The following ZNF229 variants were observed in gnomAD, a reference collection of about 807,000 sequenced individuals.
ZNF229 encodes the protein zinc finger protein 229.
Under a neutral mutation model 11.8 loss-of-function variants are expected in ZNF229, and 10 were observed. The observed-to-expected ratio is 0.85, with a 90% CI of 0.52 to 1.44. ZNF229 has a LOEUF of 1.44. Among genes scored for constraint, ZNF229 ranks in the 40% most tolerant of loss-of-function variants. The pLI is 0.00. For missense variants in ZNF229, 1,045 were observed against 1,015.1 expected (o/e 1.03, Z -0.40); for synonymous variants, 368 against 374.8 (o/e 0.98, Z 0.21).
Position 44,428,895 on chromosome 19 carries a change from T to G in ZNF229, c.1886A>C (p.Lys629Thr), listed in dbSNP as rs777477237. Residue 629 changes from lysine to threonine, a missense_variant, in exon 6 of 6, where the codon AAA becomes ACA. Physicochemically the swap from Lys to Thr is moderately conservative, Grantham distance 78. Transcript: ENST00000614049. ...GAAGCCTTTGCCACACTCAGCACAT[T>G]TATAGGGTTTCTCTCCAGTGTGGAC... is the stretch of plus-strand genomic sequence containing the variant. ...QRVHTGEKPY[K>T]CAECGKGFSY... is the part of the protein sequence containing the mutation. 1 of 1,611,300 alleles carries G rather than the reference T, an allele frequency of 6.2e-7. No homozygotes were observed. Among genetic ancestry groups the G allele is most frequent in the Non-Finnish European group, 8.5e-7 (1 of 1,179,234 alleles).
Position 44,430,062 on chromosome 19 carries a change from C to T in ZNF229, c.719G>A (p.Cys240Tyr), listed in dbSNP as rs958850539. ...DHRFPEIDKP[C>Y]GCNKCRKDCI... Reference sequence around the variant, plus strand: ...GTCTTTTCTGCATTTATTGCAACCACACGGCTTGTCTATTTCAGGGAATCT... The same window carrying T: ...GTCTTTTCTGCATTTATTGCAACCATACGGCTTGTCTATTTCAGGGAATCT... Residue 240 changes from cysteine (C) to tyrosine (Y), a missense_variant, in exon 6 of 6, where the codon TGT becomes TAT. Coordinates refer to ENST00000614049, the MANE Select transcript of ZNF229 (RefSeq NM_014518.4). 3 of 1,614,168 alleles carry T rather than the reference C, an allele frequency of 1.9e-6. No individual in the cohort carries two copies. The African/African-American group carries it at 4.0e-5, about 22-fold the overall frequency.
In ZNF229 at chr19:44,429,524, C is replaced by T. The variant is rs1971666003; in HGVS notation, c.1257G>A (p.Val419=). The change falls in exon 6 of 6, where the codon GTG becomes GTA. Residue 419 remains valine (V), a synonymous_variant. Coordinates refer to ENST00000614049, the MANE Select transcript of ZNF229 (RefSeq NM_014518.4). ...ECGKGFSYSS[V]LQVHQRLHTG... ...TGTGCAGCCTCTGATGGACTTGAAG[C>T]ACTGAGCTGTAACTGAAGCCCTTCC... The T allele has an allele frequency of 6.2e-7, 1 of 1,611,552 alleles. No individual in the cohort carries two copies. The highest frequency in any genetic ancestry group is 8.5e-7 in the Non-Finnish European group (1 of 1,178,432).
chr19:44,429,104 G>C lies in ZNF229; in HGVS notation c.1677C>G (p.Leu559=). 1 of 1,611,956 alleles carries C rather than the reference G, an allele frequency of 6.2e-7. No individual in the cohort carries two copies. Among genetic ancestry groups the C allele is most frequent in the African/African-American group, 1.3e-5 (1 of 74,362 alleles). The change falls in exon 6 of 6, where the codon CTC becomes CTG. Residue 559 remains leucine (L), a synonymous_variant. Transcript: ENST00000614049. ...CGKSFGRSSD[L]HIHQRVHTGE... is the part of the protein sequence containing the mutation. ...CTGTGTGGACCCTCTGATGGATGTG[G>C]AGGTCGGAGCTCCGGCCAAAGCTCT...
rs1971649438 is a variant in ZNF229 at position 44,429,096 on chromosome 19, T to C, written c.1685A>G (p.His562Arg). 2 of 1,613,442 alleles carry C rather than the reference T, an allele frequency of 1.2e-6. No individual in the cohort carries two copies. Among genetic ancestry groups the C allele is most frequent in the Admixed American group, 1.7e-5 (1 of 59,956 alleles). The change falls in exon 6 of 6, where the codon CAT (histidine) becomes CGT (arginine). Residue 562 changes from histidine to arginine, a missense_variant. His to Arg is a conservative substitution (Grantham distance 29, BLOSUM62 0). Coordinates refer to ENST00000614049, the MANE Select transcript of ZNF229 (RefSeq NM_014518.4). Reference sequence around the variant, plus strand: ...TTTCTCTCCTGTGTGGACCCTCTGATGGATGTGGAGGTCGGAGCTCCGGCC... The same window carrying C: ...TTTCTCTCCTGTGTGGACCCTCTGACGGATGTGGAGGTCGGAGCTCCGGCC... ...SFGRSSDLHI[H>R]QRVHTGEKPY...
chr19:44,436,353 C>T lies in ZNF229; in HGVS notation c.94-3987G>A, dbSNP rs543075627. The stretch of plus-strand genomic sequence containing the variant: ...CTCCAGCCTGGGTGACAGAGAGAAC[C>T]GTGTCTCAAACAACAACAACTACAA... On this transcript the variant is annotated intron_variant, in intron 4 of 5. Coordinates refer to ENST00000614049, the MANE Select transcript of ZNF229 (RefSeq NM_014518.4). Among the ~76,000 whole-genome samples, 26 of 151,702 alleles carry T rather than the reference C, an allele frequency of 1.7e-4. No individual in the cohort carries two copies. In the East Asian group the frequency reaches 3.1e-3, roughly 18 times the overall value.
intron 4 of ZNF229, among the ~76,000 whole-genome samples, chr19:44,439,850 G>T (rs1344767985): frequency 6.6e-6 from 1 of 152,106 alleles, no homozygotes; most frequent in Non-Finnish European, 1.5e-5. Flanking sequence ...GACAGTTGGG[G>T]GAACCTAATT....
intron 2 of ZNF229, among the ~76,000 whole-genome samples, chr19:44,445,296 C>T (rs886365674): frequency 6.6e-6 from 1 of 152,126 alleles, no homozygotes; most frequent in Non-Finnish European, 1.5e-5. Flanking sequence ...AGTCTACTTC[C>T]TACACAGCAG....
chr19:44,441,939 T>C (rs573360885), intron 4 of ZNF229, among the ~76,000 whole-genome samples: 1 of 152,328 alleles, frequency 6.6e-6, no homozygotes, highest in Admixed American at 6.5e-5. Context: ...AGAATAATCA[T>C]AAATCTTATT....
At chr19:44,433,546 T>C (rs1185734795) in intron 4 of ZNF229, among the ~76,000 whole-genome samples, 2 of 151,928 alleles carry the variant, frequency 1.3e-5, no homozygotes, top group Admixed American at 1.3e-4. Flanking sequence ...ATGGTACCTC[T>C]ACCCCCGCCC....
At chr19:44,444,416 T>A (rs2047064489) in intron 2 of ZNF229, among the ~76,000 whole-genome samples, 1 of 152,254 alleles carries the variant, frequency 6.6e-6, no homozygotes, top group African/African-American at 2.4e-5. Flanking sequence ...AGCATCTTTC[T>A]CTCTCCCTCC....
In ZNF229 at chr19:44,432,245, G is replaced by T. The variant is rs1208332706; in HGVS notation, c.215C>A (p.Ser72Ter). The change falls in exon 5 of 6, where the codon TCA becomes TAA. Residue 72 changes from serine (S) to a stop codon, truncating the protein, a stop_gained. Transcript: ENST00000614049. LOFTEE classifies it low-confidence loss of function (END_TRUNC). ...ACCCAGAGGATTCCTCTCACCCACTGAGAGTAGGTTCCTGAAATTCTCCTG... is the reference window on the plus strand; with the variant it reads ...ACCCAGAGGATTCCTCTCACCCACTTAGAGTAGGTTCCTGAAATTCTCCTG... The part of the protein sequence containing the change: ...VMQENFRNLL[S>*]VGERNPLGDK... 3 of 1,613,606 alleles carry T rather than the reference G, an allele frequency of 1.9e-6. No homozygotes were observed. Among genetic ancestry groups the T allele is most frequent in the East Asian group, 4.5e-5 (2 of 44,882 alleles).
intron 5 of ZNF229, among the ~76,000 whole-genome samples, chr19:44,430,798 T>C (rs972552771): frequency 3.9e-5 from 6 of 152,130 alleles, no homozygotes; most frequent in African/African-American, 1.4e-4. Context: ...TCGGAACAGA[T>C]TTTTATAGAG....
At position 44,428,585 on chromosome 19, in the gene ZNF229, T is replaced by A. The variant is rs757286903; in HGVS notation, c.2196A>T (p.Arg732Ser). 9 of 1,612,692 alleles carry A rather than the reference T, an allele frequency of 5.6e-6. No homozygotes were observed. The highest frequency in any genetic ancestry group is 2.2e-5 in the South Asian group (2 of 91,004). ...RYGSGLLSHK[R>S]VHTGEKPYRC... ...TGTATGGCTTCTCGCCAGTGTGCAC[T>A]CTCTTATGACTAAGGAGACCTGAGC... is the stretch of plus-strand genomic sequence containing the variant. The change falls in exon 6 of 6, where the codon AGA becomes AGT. Residue 732 changes from arginine to serine, a missense_variant. Physicochemically the swap from Arg to Ser is moderately radical, Grantham distance 110. Transcript: ENST00000614049.
chr19:44,434,324 C>G (rs1971775484), intron 4 of ZNF229, among the ~76,000 whole-genome samples: 1 of 152,102 alleles, frequency 6.6e-6, no homozygotes, highest in African/African-American at 2.4e-5. Flanking sequence ...TCTTTGCTAC[C>G]ACAGCCCCTC....
chr19:44,428,826 C>A lies in ZNF229; in HGVS notation c.1955G>T (p.Gly652Val). ...GLLIHQRVHT[G>V]EKPYRCQECG... Reference sequence around the variant, plus strand: ...CTCTTGGCATCTGTAAGGTTTCTCGCCTGTGTGGACTCTCTGGTGAATGAG... The same window carrying A: ...CTCTTGGCATCTGTAAGGTTTCTCGACTGTGTGGACTCTCTGGTGAATGAG... Residue 652 changes from glycine (G) to valine (V), a missense_variant, in exon 6 of 6, where the codon GGC (glycine) becomes GTC (valine). Physicochemically the swap from Gly to Val is moderately radical, Grantham distance 109. Transcript: ENST00000614049. 6.2e-7 allele frequency: 1 copy of A among 1,613,432 alleles called. No individual in the cohort carries two copies. Among genetic ancestry groups the A allele is most frequent in the Non-Finnish European group, 8.5e-7 (1 of 1,179,590 alleles).
rs1475317293 is a variant in ZNF229, at chr19:44,429,318, G to C, written c.1463C>G (p.Pro488Arg). 6.2e-7 allele frequency: 1 copy of C among 1,613,972 alleles called. No individual in the cohort carries two copies. The highest frequency in any genetic ancestry group is 1.3e-5 in the African/African-American group (1 of 74,864). The change falls in exon 6 of 6, where the codon CCC becomes CGC. Residue 488 changes from proline (P) to arginine (R), a missense_variant. Physicochemically the swap from Pro to Arg is moderately radical, Grantham distance 103 (BLOSUM62 -2). Coordinates refer to ENST00000614049, the MANE Select transcript of ZNF229 (RefSeq NM_014518.4). ...TTTGCCACACTTGTCACACTGGTAG[G>C]GCCTCTCGCCGGTGTGTGTCTTCTG... ...SHQKTHTGER[P>R]YQCDKCGKGF... is the part of the protein sequence containing the mutation.
Position 44,428,243 on chromosome 19 carries a change from T to C in ZNF229, c.*60A>G, listed in dbSNP as rs1971614766. On this transcript the variant is annotated 3_prime_UTR_variant, in exon 6 of 6. Transcript: ENST00000614049. The stretch of plus-strand genomic sequence containing the variant: ...TGTCACTTTCCTATGGTTTTTCTCC[T>C]GTGTTGGCTCTCAGATGGATAGAAA... The C allele has an allele frequency of 6.6e-7, 1 of 1,516,290 alleles. No homozygotes were observed. Among genetic ancestry groups the C allele is most frequent in the Admixed American group, 2.1e-5 (1 of 46,698 alleles). 93.9% of individuals were successfully genotyped at this position (1,516,290 alleles called of 1,614,324 possible). A position where few individuals can be genotyped will look rare whatever the true frequency, so the allele number is the denominator to read the frequency against.
intron 5 of ZNF229, among the ~76,000 whole-genome samples, chr19:44,431,339 A>G (rs1971719178): frequency 6.6e-6 from 1 of 152,120 alleles, no homozygotes; most frequent in South Asian, 2.1e-4. Flanking sequence ...AAATTTGTCC[A>G]TGTTTTCTGA....
chr19:44,431,910 G>A (rs752486780), intron 5 of ZNF229: 15 of 686,840 alleles, frequency 2.2e-5, no homozygotes, highest in East Asian at 1.1e-4. Context: ...GGAACCCCCA[G>A]GAAAGAAATT....
Sources: gnomAD v4.1 joint callset for allele counts (sites outside exome capture counted in the v4.1 genomes callset) on GRCh38, gnomAD v4.1.1 for gene constraint, MANE v1.5 for transcripts, NCBI Gene and HGNC (gene_info 2026-07-23, HGNC 2026-07-21) for gene names.